SOX5: variants seen among roughly 807,000 people sequenced by gnomAD.
The protein encoded by SOX5 is SRY-box transcription factor 5.
In SOX5, 9 loss-of-function variants were observed where a neutral mutation model predicts 92.0. The observed-to-expected ratio is 0.10, with a 90% confidence interval of 0.06 to 0.17. The LOEUF is 0.17. SOX5 is among the 10% of genes least tolerant of loss of function. The probability of loss-of-function intolerance (pLI) is 1.00; values close to 1 mark genes in which losing one functional copy is unlikely to be tolerated. For synonymous variants in SOX5, 344 were observed against 336.3 expected (o/e 1.02, Z -0.25); for missense variants, 642 against 944.5 (o/e 0.68, Z 4.20).
At chr12:24,460,609 C>G (rs1943516955) in intron 1 of SOX5, 1 of 152,208 alleles carries the variant, frequency 6.6e-6, no homozygotes, top group African/African-American at 2.4e-5. Flanking sequence ...GTTTAGAAAT[C>G]TCCCAGGTCC....
chr12:24,012,656 T>A (rs1372229338), intron 4 of SOX5, among the ~76,000 whole-genome samples: 1 of 152,186 alleles, frequency 6.6e-6, no homozygotes, highest in Non-Finnish European at 1.5e-5. Flanking sequence ...CTAGATCTTG[T>A]CTGACAAACC....
At chr12:24,026,774 G>C (rs1416377025) in intron 4 of SOX5, among the ~76,000 whole-genome samples, 1 of 151,996 alleles carries the variant, frequency 6.6e-6, no homozygotes, top group South Asian at 2.1e-4. Context: ...AAAAGCGGAA[G>C]CCACTGAGGG....
intron 1 of SOX5, among the ~76,000 whole-genome samples, chr12:24,437,373 A>G (rs1030408581): frequency 2.6e-5 from 4 of 152,230 alleles, no homozygotes; most frequent in Non-Finnish European, 5.9e-5. Flanking sequence ...AAACCCTAGA[A>G]GAAAACCTAG....
intron 11 of SOX5, among the ~76,000 whole-genome samples, chr12:23,552,859 T>C (rs560273013): frequency 1.3e-5 from 2 of 151,974 alleles, no homozygotes; most frequent in African/African-American, 2.4e-5. Flanking sequence ...CTTTTCATTT[T>C]CTTTCAAACC....
At chr12:24,392,573 C>A (rs1959103880) in intron 1 of SOX5, among the ~76,000 whole-genome samples, 1 of 152,034 alleles carries the variant, frequency 6.6e-6, no homozygotes, top group Admixed American at 6.6e-5. Context: ...TTTCACTGGT[C>A]TCATTGTCTA....
rs138665964 is a variant in SOX5 at position 23,796,751 on chromosome 12, A to G, written c.482-41027T>C. On this transcript the variant is annotated intron_variant, in intron 3 of 14. Transcript: ENST00000451604. ...AACTACCTAAACAGATCACCAATAT[A>G]GTGATTTCCATTCTAATATAGTGTA... is the stretch of plus-strand genomic sequence containing the variant. Among the ~76,000 whole-genome samples the G allele has an allele frequency of 4.9e-3, 741 of 151,826 alleles. 10 individuals carry two copies. The highest frequency in any genetic ancestry group is 0.017 in the African/African-American group (685 of 41,478).
intron 4 of SOX5, among the ~76,000 whole-genome samples, chr12:24,119,002 C>T (rs1404957516): frequency 1.3e-5 from 2 of 151,972 alleles, no homozygotes; most frequent in African/African-American, 2.4e-5. Flanking sequence ...TATCCCTTAA[C>T]TATTTTGGGT....
At chr12:23,986,370 A>G (rs1383065283) in intron 4 of SOX5, among the ~76,000 whole-genome samples, 1 of 152,166 alleles carries the variant, frequency 6.6e-6, no homozygotes, top group Non-Finnish European at 1.5e-5. Context: ...AAAAACTATC[A>G]AGACACATGT....
intron 6 of SOX5, among the ~76,000 whole-genome samples, chr12:23,688,767 A>G (rs1189021239): frequency 6.6e-6 from 1 of 152,124 alleles, no homozygotes; most frequent in African/African-American, 2.4e-5. Context: ...AATAATGTAA[A>G]TATCACATAC....
chr12:24,541,881 C>T (rs1566430713), intron 1 of SOX5, among the ~76,000 whole-genome samples: 1 of 152,130 alleles, frequency 6.6e-6, no homozygotes, highest in South Asian at 2.1e-4. Context: ...TGCTTTTCCT[C>T]AAGTATTTCA....
chr12:24,047,064 C>A (rs1390243645), intron 4 of SOX5, among the ~76,000 whole-genome samples: 1 of 152,130 alleles, frequency 6.6e-6, no homozygotes, highest in Non-Finnish European at 1.5e-5. Flanking sequence ...ATTTTTTCCC[C>A]CTTTGGAGGT....
At chr12:24,025,839 A>G (rs887142637) in intron 4 of SOX5, among the ~76,000 whole-genome samples, 6 of 152,110 alleles carry the variant, frequency 3.9e-5, no homozygotes, top group Non-Finnish European at 7.4e-5. Flanking sequence ...TATGAATCAG[A>G]AGAGTGAACT....
In SOX5 at chr12:24,119,702, A is replaced by AT. The variant is rs544699297; in HGVS notation, c.-2+93640dup. On this transcript the variant is annotated intron_variant, in intron 4 of 4. Coordinates refer to the SOX5 transcript ENST00000446891. ...CATTTTAATGTATTATTAAAGAATA[A>AT]TTTACACAGAAAAAAGGATACAGGT... is the stretch of plus-strand genomic sequence containing the variant. Among the ~76,000 whole-genome samples the AT allele has an allele frequency of 2.6e-4, 40 of 152,258 alleles. 1 individual carries two copies. The South Asian group carries it at 8.3e-3, about 32-fold the overall frequency.
intron 4 of SOX5, among the ~76,000 whole-genome samples, chr12:24,067,325 G>A (rs778102709): frequency 6.6e-6 from 1 of 152,162 alleles, no homozygotes; most frequent in Admixed American, 6.5e-5. Context: ...TCAGCAAAAC[G>A]TAATATAGTC....
At chr12:24,408,552 C>T (rs114262166) in intron 1 of SOX5, among the ~76,000 whole-genome samples, 1 of 152,290 alleles carries the variant, frequency 6.6e-6, no homozygotes, top group African/African-American at 2.4e-5. Flanking sequence ...CCACCCCACC[C>T]TCCTTAACCC....
chr12:24,373,505 A>T (rs1254929673), intron 1 of SOX5, among the ~76,000 whole-genome samples: 1 of 152,190 alleles, frequency 6.6e-6, no homozygotes, highest in Non-Finnish European at 1.5e-5. Context: ...TATAACAGGC[A>T]ACTGGGTTGA....
intron 2 of SOX5, among the ~76,000 whole-genome samples, chr12:24,301,648 T>C (rs569621978): frequency 6.6e-6 from 1 of 152,214 alleles, no homozygotes; most frequent in Non-Finnish European, 1.5e-5. Context: ...TTTCTAATAA[T>C]GTAGTGCTCT....
intron 4 of SOX5, among the ~76,000 whole-genome samples, chr12:23,968,341 C>G (rs1947826131): frequency 6.6e-6 from 1 of 152,174 alleles, no homozygotes; most frequent in Admixed American, 6.5e-5. Flanking sequence ...TACTACTTGA[C>G]CTTGGCTAAG....
chr12:24,056,042 C>A (rs1269588480), intron 4 of SOX5, among the ~76,000 whole-genome samples: 1 of 152,144 alleles, frequency 6.6e-6, no homozygotes, highest in African/African-American at 2.4e-5. Context: ...TGTGCCACAC[C>A]TTTTTTAAAC....
Sources: allele counts gnomAD v4.1 joint callset (sites outside exome capture counted in the v4.1 genomes callset), GRCh38; gene constraint gnomAD v4.1.1; transcripts MANE v1.5; gene names NCBI Gene and HGNC (gene_info 2026-07-23, HGNC 2026-07-21).